Variants in RFTN1 observed in about 807,000 individuals in gnomAD.
The protein encoded by RFTN1 is raftlin.
Under a neutral mutation model 46.5 loss-of-function variants are expected in RFTN1, and 26 were observed. That is an observed-to-expected ratio of 0.56 (90% CI 0.41 to 0.78). RFTN1 has a LOEUF of 0.78. RFTN1 is among the 30% of genes least tolerant of loss of function. The pLI is 0.00. For synonymous variants in RFTN1, 261 were observed against 284.2 expected (o/e 0.92, Z 0.82); for missense variants, 693 against 718.7 (o/e 0.96, Z 0.41).
intron 2 of RFTN1, among the ~76,000 whole-genome samples, chr3:16,454,137 C>T (rs1233206155): frequency 6.6e-6 from 1 of 152,234 alleles, no homozygotes; most frequent in Admixed American, 6.5e-5. Flanking sequence ...TCACCTTCTG[C>T]TCTCCTAATG....
chr3:16,461,682 A>G (rs2076010227), intron 2 of RFTN1, among the ~76,000 whole-genome samples: 2 of 152,188 alleles, frequency 1.3e-5, no homozygotes, highest in South Asian at 4.1e-4. Context: ...TAATAACCCC[A>G]TTTACCTCAA....
intron 2 of RFTN1, chr3:16,482,758 A>G: frequency 6.5e-7 from 1 of 1,535,434 alleles, no homozygotes; most frequent in African/African-American, 1.4e-5. Context: ...GCAGCATCCA[A>G]GTCCACTGCT....
In RFTN1 at chr3:16,479,315, A is replaced by G. The variant is rs1484328169; in HGVS notation, c.145+14410T>C. The stretch of plus-strand genomic sequence containing the variant: ...GAAAAAAGATATTTTCTTGGTTTTT[A>G]GTTGTTTTAGGCTAATTCATTAAAT... On this transcript the variant is annotated intron_variant, in intron 2 of 9. Transcript: ENST00000334133. This position sits in a 1 kb window ranked among gnomAD's most constrained non-coding sequence, Gnocchi z 5.1. Among the ~76,000 whole-genome samples, 3 of 152,222 alleles carry G rather than the reference A, an allele frequency of 2.0e-5. No homozygotes were observed. The highest frequency in any genetic ancestry group is 4.4e-5 in the Non-Finnish European group (3 of 68,034).
rs2075199826 is a variant in RFTN1, at chr3:16,422,264, C to T, written c.332+11587G>A. Among the ~76,000 whole-genome samples the T allele has an allele frequency of 1.3e-5, 2 of 152,200 alleles. No homozygotes were observed. The highest frequency in any genetic ancestry group is 2.1e-4 in the South Asian group (1 of 4,812). On this transcript the variant is annotated intron_variant, in intron 3 of 9. Coordinates refer to ENST00000334133, the MANE Select transcript of RFTN1 (RefSeq NM_015150.2). This position sits in a 1 kb window ranked among gnomAD's most constrained non-coding sequence, Gnocchi z 4.6. ...TAACTACAATTTCAACAGAGTTTACCAGGAACTGAAGAAATTATTTCAGGC... is the reference window on the plus strand; with the variant it reads ...TAACTACAATTTCAACAGAGTTTACTAGGAACTGAAGAAATTATTTCAGGC...
At chr3:16,386,757 G>A (rs1405628771) in intron 4 of RFTN1, among the ~76,000 whole-genome samples, 2 of 152,152 alleles carry the variant, frequency 1.3e-5, no homozygotes, top group Admixed American at 1.3e-4. Flanking sequence ...GGATCGAGGT[G>A]GGGGTTGGTA....
rs2076809387 is a variant in RFTN1 at position 16,506,513 on chromosome 3, T to C, written c.-9+6929A>G. 6.6e-6 allele frequency among the ~76,000 whole-genome samples: 1 copy of C among 152,000 alleles called. No individual in the cohort carries two copies. The highest frequency in any genetic ancestry group is 6.6e-5 in the Admixed American group (1 of 15,250). On this transcript the variant is annotated intron_variant, in intron 1 of 9. Coordinates refer to ENST00000334133, the MANE Select transcript of RFTN1 (RefSeq NM_015150.2). The surrounding 1 kb of genome is among the most constrained non-coding windows in gnomAD (Gnocchi z 4.8). ...GCAGTGGTCAAATTCTGTATATGTT[T>C]TGAAGGCAGAAAACAGGATTGACTG...
chr3:16,405,723 G>A (rs1293208740), intron 4 of RFTN1, among the ~76,000 whole-genome samples: 1 of 152,066 alleles, frequency 6.6e-6, no homozygotes. Flanking sequence ...TAATACTGGG[G>A]CATTGTTCTT....
rs1163505040 is a variant in RFTN1 at position 16,480,497 on chromosome 3, C to T, written c.145+13228G>A. ...CATGTAATTTTTACTTATCAGGAGC[C>T]CTGACCTGTAAACAAAGAAGAGTAT... On this transcript the variant is annotated intron_variant, in intron 2 of 9. Coordinates refer to ENST00000334133, the MANE Select transcript of RFTN1 (RefSeq NM_015150.2). The surrounding 1 kb of genome is among the most constrained non-coding windows in gnomAD (Gnocchi z 4.3). Among the ~76,000 whole-genome samples the T allele has an allele frequency of 6.6e-6, 1 of 152,140 alleles. No homozygotes were observed. Among genetic ancestry groups the T allele is most frequent in the Non-Finnish European group, 1.5e-5 (1 of 68,034 alleles).
chr3:16,352,537 T>C lies in RFTN1; in HGVS notation c.1146+5395A>G, dbSNP rs1220773621. 6.6e-6 allele frequency among the ~76,000 whole-genome samples: 1 copy of C among 152,256 alleles called. No homozygotes were observed. The highest frequency in any genetic ancestry group is 2.4e-5 in the African/African-American group (1 of 41,464). ...CTTACAAATGCCTTTAATTTTAGGC[T>C]GTAGGTTTCCAACCGAGCAAAATGC... is the stretch of plus-strand genomic sequence containing the variant. On this transcript the variant is annotated intron_variant, in intron 7 of 9. Coordinates refer to ENST00000334133, the MANE Select transcript of RFTN1 (RefSeq NM_015150.2). This position sits in a 1 kb window ranked among gnomAD's most constrained non-coding sequence, Gnocchi z 4.6.
At chr3:16,456,137 C>G (rs1229053174) in intron 2 of RFTN1, among the ~76,000 whole-genome samples, 2 of 152,012 alleles carry the variant, frequency 1.3e-5, no homozygotes, top group African/African-American at 4.8e-5. Context: ...GCACTTAATC[C>G]AAGAACAGCT....
At chr3:16,326,696 G>T (rs544519382) in intron 8 of RFTN1, 77 bp downstream of exon 8, 2 of 1,053,924 alleles carry the variant, frequency 1.9e-6, no homozygotes, top group Non-Finnish European at 2.9e-6. Flanking sequence ...ATTTATAGAC[G>T]TGAGGTGCTC....
rs1005598319 is a variant in RFTN1 at position 16,370,841 on chromosome 3, C to G, written c.827-562G>C. The G allele has an allele frequency of 6.5e-6, 1 of 152,788 alleles. No homozygotes were observed. Among genetic ancestry groups the G allele is most frequent in the Non-Finnish European group, 1.5e-5 (1 of 68,532 alleles). 9.5% of individuals were successfully genotyped at this position (152,788 alleles called of 1,614,324 possible). On this transcript the variant is annotated intron_variant, in intron 5 of 9. Transcript: ENST00000334133. The surrounding 1 kb of genome is among the most constrained non-coding windows in gnomAD (Gnocchi z 5.5). ...ATTGATATGTAAAAATAAATATGTT[C>G]CCGTAAATGAGAGTTCCTGCCTGGA...
chr3:16,485,354 C>T (rs2076431771), intron 2 of RFTN1, among the ~76,000 whole-genome samples: 1 of 152,200 alleles, frequency 6.6e-6, no homozygotes, highest in African/African-American at 2.4e-5. Flanking sequence ...ATGCATAAAA[C>T]AGCACGGACT....
chr3:16,452,211 A>G lies in RFTN1; in HGVS notation c.146-18174T>C, dbSNP rs755286448. The stretch of plus-strand genomic sequence containing the variant: ...AAAATGAAACCAAGGATAAGGGGGA[A>G]CTACTGTACAAACAGTGAATGAGAG... On this transcript the variant is annotated intron_variant, in intron 2 of 9. Transcript: ENST00000334133. The surrounding 1 kb of genome is among the most constrained non-coding windows in gnomAD (Gnocchi z 6.3). Among the ~76,000 whole-genome samples the G allele has an allele frequency of 2.0e-5, 3 of 152,222 alleles. No individual in the cohort carries two copies. Among genetic ancestry groups the G allele is most frequent in the Admixed American group, 1.3e-4 (2 of 15,282 alleles).
At chr3:16,389,262 A>C (rs1225835646) in intron 4 of RFTN1, among the ~76,000 whole-genome samples, 1 of 152,220 alleles carries the variant, frequency 6.6e-6, no homozygotes, top group East Asian at 1.9e-4. Context: ...AAAATATAAC[A>C]GGGTCCTAAT....
chr3:16,397,383 T>C (rs2074493943), intron 4 of RFTN1, among the ~76,000 whole-genome samples: 1 of 152,084 alleles, frequency 6.6e-6, no homozygotes, highest in Non-Finnish European at 1.5e-5. Context: ...GGGTACGAAA[T>C]TGAAGATATG....
intron 1 of RFTN1, among the ~76,000 whole-genome samples, chr3:16,495,847 GC>G (rs1221883999): frequency 6.6e-6 from 1 of 152,232 alleles, no homozygotes; most frequent in Non-Finnish European, 1.5e-5. Context: ...CTGGATTTAA[GC>G]CCCTGCATCC....
rs1244799562 is a variant in RFTN1, at chr3:16,320,709, A to AT, written c.1332+2666dup. Reference sequence around the variant, plus strand: ...TCGAGTAGAGCTAGAAAGGAGGAGAATGTCCTTGGCAGAGGGGACACGGAA... The same window carrying AT: ...TCGAGTAGAGCTAGAAAGGAGGAGAATTGTCCTTGGCAGAGGGGACACGGAA... On this transcript the variant is annotated intron_variant, in intron 9 of 9. Coordinates refer to ENST00000334133, the MANE Select transcript of RFTN1 (RefSeq NM_015150.2). This position sits in a 1 kb window ranked among gnomAD's most constrained non-coding sequence, Gnocchi z 4.5. 6.6e-6 allele frequency among the ~76,000 whole-genome samples: 1 copy of AT among 152,212 alleles called. No homozygotes were observed. Among genetic ancestry groups the AT allele is most frequent in the Non-Finnish European group, 1.5e-5 (1 of 68,032 alleles).
chr3:16,385,376 T>C lies in RFTN1; in HGVS notation c.442-7274A>G, dbSNP rs1357237638. Among the ~76,000 whole-genome samples the C allele has an allele frequency of 6.6e-6, 1 of 152,192 alleles. No individual in the cohort carries two copies. The highest frequency in any genetic ancestry group is 1.5e-5 in the Non-Finnish European group (1 of 68,032). ...AGCTTTGCCAGGCGCTGCTGGATGT[T>C]TAGCTCCGTTTTAGGGCCACAAGGA... is the stretch of plus-strand genomic sequence containing the variant. On this transcript the variant is annotated intron_variant, in intron 4 of 9. Coordinates refer to ENST00000334133, the MANE Select transcript of RFTN1 (RefSeq NM_015150.2). The surrounding 1 kb of genome is among the most constrained non-coding windows in gnomAD (Gnocchi z 5.0).
Sources: gnomAD v4.1 joint callset for allele counts (sites outside exome capture counted in the v4.1 genomes callset) on GRCh38, gnomAD v4.1.1 for gene constraint, Gnocchi (gnomAD v3.1) non-coding constraint, MANE v1.5 for transcripts, NCBI Gene and HGNC (gene_info 2026-07-23, HGNC 2026-07-21) for gene names.